Variants in RNF212 observed in about 807,000 individuals in gnomAD.
RNF212 encodes probable E3 SUMO-protein ligase RNF212.
RNF212 carries 33 observed loss-of-function variants against 34.7 expected under a neutral mutation model. The ratio of observed to expected loss-of-function variants is 0.95; its 90% CI spans 0.72 to 1.27. The LOEUF (loss-of-function observed/expected upper bound fraction) is 1.27, where lower values mean the gene tolerates loss of function less well. Ranked by LOEUF, RNF212 falls within the 50% of genes most tolerant of loss-of-function variation. The pLI is 0.00. For synonymous variants in RNF212, 140 were observed against 136.1 expected, an observed-to-expected ratio of 1.03 and a Z score of -0.20; for missense variants, 377 against 362.2, an observed-to-expected ratio of 1.04 and a Z score of -0.33.
At chr4:1,081,312 T>G in intron 7 of RNF212, 107 bp downstream of exon 7, 1 of 941,966 alleles carries the variant, frequency 1.1e-6, no homozygotes, top group Non-Finnish European at 1.7e-6. Flanking sequence ...ACTGTATGGA[T>G]TAGCAAAATC....
chr4:1,091,783 C>A (rs1251111349), intron 3 of RNF212, among the ~76,000 whole-genome samples: 1 of 152,242 alleles, frequency 6.6e-6, no homozygotes, highest in Middle Eastern at 3.2e-3. Context: ...GCAGGGATGA[C>A]AGCCTCGCGG....
chr4:1,089,201 G>A (rs1446057218), intron 4 of RNF212, among the ~76,000 whole-genome samples: 2 of 152,352 alleles, frequency 1.3e-5, no homozygotes, highest in East Asian at 3.9e-4. Context: ...GTACCCTACA[G>A]AGCCACAGGG....
exon 5 of RNF212, chr4:1,056,369 T>C (rs1249554612): frequency 1.5e-5 from 3 of 201,728 alleles, no homozygotes; most frequent in Admixed American, 1.3e-4. Context: ...GCTGGAGGAC[T>C]GGAAGGGGGC....
At chr4:1,068,188 G>A (rs1268830958), downstream of RNF212, among the ~76,000 whole-genome samples, 2 of 152,196 alleles carry the variant, frequency 1.3e-5, no homozygotes, top group Non-Finnish European at 2.9e-5. Context: ...AGGTTAGAGG[G>A]CTATGCCGTC....
intron 2 of RNF212, among the ~76,000 whole-genome samples, chr4:1,102,680 G>A (rs1004352330): frequency 1.4e-5 from 2 of 144,238 alleles, no homozygotes; most frequent in African/African-American, 2.6e-5. Flanking sequence ...GTGAAACCCC[G>A]TCTCTACTAA....
chr4:1,108,193 C>T (rs1229957673), intron 2 of RNF212, 150 bp downstream of exon 2: 1 of 524,468 alleles, frequency 1.9e-6, no homozygotes, highest in Non-Finnish European at 3.4e-6. Context: ...AAAACTAAAT[C>T]CTAACTGCAT....
intron 2 of RNF212, among the ~76,000 whole-genome samples, chr4:1,104,596 C>A (rs914123057): frequency 3.3e-4 from 50 of 152,110 alleles, no homozygotes; most frequent in African/African-American, 1.1e-3. Context: ...AGGGAGCAGG[C>A]GTGGTGATGA....
At chr4:1,098,522 G>A (rs993137189) in intron 2 of RNF212, among the ~76,000 whole-genome samples, 5 of 152,094 alleles carry the variant, frequency 3.3e-5, no homozygotes, top group African/African-American at 9.7e-5. Context: ...ACCCAACAGA[G>A]GGGAGACCTG....
At chr4:1,105,992 A>G (rs1724755621) in intron 2 of RNF212, among the ~76,000 whole-genome samples, 1 of 152,274 alleles carries the variant, frequency 6.6e-6, no homozygotes, top group Non-Finnish European at 1.5e-5. Context: ...CACAGGGCCT[A>G]CATGCATGGG....
chr4:1,079,092 C>T (rs1719877177), intron 8 of RNF212, among the ~76,000 whole-genome samples: 1 of 149,990 alleles, frequency 6.7e-6, no homozygotes, highest in Non-Finnish European at 1.5e-5. Flanking sequence ...CAACACAGGA[C>T]CAACATAGGA....
chr4:1,111,649 T>C (rs1348852829), intron 1 of RNF212, among the ~76,000 whole-genome samples: 3 of 152,240 alleles, frequency 2.0e-5, no homozygotes, highest in African/African-American at 7.2e-5. Context: ...CCACAGTTTC[T>C]ATCTCCCTCC....
upstream of RNF212, chr4:1,113,699 C>T: frequency 2.4e-6 from 1 of 424,852 alleles, no homozygotes; most frequent in Non-Finnish European, 4.2e-6. Flanking sequence ...CTGGAGTAGG[C>T]GGAGGAACGC....
At chr4:1,067,031 C>A (rs552752103), downstream of RNF212, among the ~76,000 whole-genome samples, 2 of 152,278 alleles carry the variant, frequency 1.3e-5, no homozygotes, top group South Asian at 2.1e-4. Context: ...TTTCCCAACA[C>A]CATTTCTCAA....
Position 1,058,350 on chromosome 4 carries a change from C to T in RNF212, n.191G>A, listed in dbSNP as rs536957567. On this transcript the variant is annotated non_coding_transcript_exon_variant, in exon 4 of 5. Coordinates refer to the RNF212 transcript ENST00000503206. ...GAGGCTTTCCCATGCTCCTCTGACT[C>T]GTTGTCAGGCCGGGATGCTCGGGGC... 2.0e-5 allele frequency: 20 copies of T among 983,062 alleles called. 1 individual carries two copies. Among genetic ancestry groups the T allele is most frequent in the Admixed American group, 6.3e-5 (1 of 15,976 alleles). The allele number at this position is 983,062 out of a possible 1,614,324, so 60.9% of individuals were successfully genotyped here. A position where few individuals can be genotyped will look rare whatever the true frequency, so the allele number is the denominator to read the frequency against.
intron 3 of RNF212, chr4:1,093,585 G>A (rs1683687954): frequency 9.2e-6 from 13 of 1,405,570 alleles, no homozygotes; most frequent in Non-Finnish European, 1.2e-5. Flanking sequence ...GAGAGGCAGA[G>A]CAGACAGGTG....
chr4:1,110,658 T>C (rs991227882), intron 1 of RNF212, among the ~76,000 whole-genome samples: 17 of 152,222 alleles, frequency 1.1e-4, no homozygotes, highest in African/African-American at 3.9e-4. Context: ...AGACACACTA[T>C]TGCTTTTGTT....
intron 3 of RNF212, 133 bp from the exon 4 acceptor site, chr4:1,090,971 C>A (rs1390120995): frequency 6.5e-6 from 4 of 617,534 alleles, no homozygotes; most frequent in Non-Finnish European, 5.8e-6. Flanking sequence ...GTCCTGCCCC[C>A]ACAGACGCCC....
intron 5 of RNF212, among the ~76,000 whole-genome samples, chr4:1,083,999 A>G (rs1304817095): frequency 1.5e-5 from 2 of 135,752 alleles, no homozygotes; most frequent in African/African-American, 5.6e-5. Context: ...CCCAGGCTGG[A>G]GTGCAATGGC....
chr4:1,068,274 G>A (rs1240361797), downstream of RNF212, among the ~76,000 whole-genome samples: 5 of 152,182 alleles, frequency 3.3e-5, no homozygotes, highest in African/African-American at 4.8e-5. Flanking sequence ...TATACTCATC[G>A]ACAGGGTCCG....
Sources: gnomAD v4.1 joint callset for allele counts (sites outside exome capture counted in the v4.1 genomes callset) on GRCh38, gnomAD v4.1.1 for gene constraint, MANE v1.5 for transcripts, NCBI Gene and HGNC (gene_info 2026-07-23, HGNC 2026-07-21) for gene names.